The following SGMS1 variants were observed in gnomAD, a reference collection of about 807,000 sequenced individuals.
The protein encoded by SGMS1 is sphingomyelin synthase 1.
A neutral mutation model predicts 46.2 loss-of-function variants in SGMS1; 13 were observed. That is an observed-to-expected ratio of 0.28 (90% CI 0.18 to 0.45). The LOEUF is 0.45. SGMS1 is among the 20% of genes least tolerant of loss of function. The probability of loss-of-function intolerance (pLI) is 1.00; values close to 1 mark genes in which losing one functional copy is unlikely to be tolerated. For missense variants in SGMS1, 324 were observed against 519.9 expected, an observed-to-expected ratio of 0.62 and a Z score of 3.66; for synonymous variants, 203 against 187.8, an observed-to-expected ratio of 1.08 and a Z score of -0.66.
chr10:50,594,994 T>C (rs950433856), intron 1 of SGMS1, among the ~76,000 whole-genome samples: 1 of 152,134 alleles, frequency 6.6e-6, no homozygotes, highest in Non-Finnish European at 1.5e-5. Flanking sequence ...TGATAAGTGG[T>C]AGAACAAGGA....
chr10:50,403,414 G>T (rs1848968603), intron 6 of SGMS1, among the ~76,000 whole-genome samples: 1 of 152,124 alleles, frequency 6.6e-6, no homozygotes, highest in African/African-American at 2.4e-5. Context: ...GACTCTAGGG[G>T]TACATTTGTC....
chr10:50,488,896 C>T (rs1357027130), intron 3 of SGMS1, among the ~76,000 whole-genome samples: 1 of 152,162 alleles, frequency 6.6e-6, no homozygotes, highest in Non-Finnish European at 1.5e-5. Context: ...TTTCCTCAAG[C>T]TCCGTGGCTC....
chr10:50,407,919 T>C (rs528300848), intron 6 of SGMS1, among the ~76,000 whole-genome samples: 8 of 152,330 alleles, frequency 5.3e-5, no homozygotes, highest in African/African-American at 1.9e-4. Flanking sequence ...TGAATCATTT[T>C]CCCTAAATTT....
chr10:50,402,936 A>C (rs1036387459), intron 6 of SGMS1, among the ~76,000 whole-genome samples: 2 of 152,048 alleles, frequency 1.3e-5, no homozygotes, highest in African/African-American at 4.8e-5. Flanking sequence ...GTCCCTGTGT[A>C]CCTATAATTT....
At chr10:50,595,536 T>C (rs1006118481) in intron 1 of SGMS1, among the ~76,000 whole-genome samples, 1 of 152,188 alleles carries the variant, frequency 6.6e-6, no homozygotes, top group Admixed American at 6.5e-5. Flanking sequence ...TCCCATTTTA[T>C]AGGTGAAGAA....
chr10:50,513,727 C>T (rs935273537), intron 3 of SGMS1, among the ~76,000 whole-genome samples: 2 of 152,070 alleles, frequency 1.3e-5, no homozygotes, highest in African/African-American at 4.8e-5. Context: ...CAAAATTAAG[C>T]CATTTAGACC....
intron 4 of SGMS1, among the ~76,000 whole-genome samples, chr10:50,463,548 T>C (rs1402031807): frequency 1.3e-5 from 2 of 152,172 alleles, no homozygotes; most frequent in East Asian, 1.9e-4. Context: ...TGTGGAGAAG[T>C]TGATCGGAAT....
chr10:50,566,102 T>C (rs1247976659), intron 2 of SGMS1, among the ~76,000 whole-genome samples: 1 of 152,236 alleles, frequency 6.6e-6, no homozygotes, highest in African/African-American at 2.4e-5. Context: ...TAAGTTCTCA[T>C]TTGCAACCAA....
chr10:50,596,712 G>A (rs1838598182), intron 1 of SGMS1, among the ~76,000 whole-genome samples: 1 of 152,232 alleles, frequency 6.6e-6, no homozygotes, highest in African/African-American at 2.4e-5. Context: ...GAACACAGAA[G>A]CAGCTATTGC....
chr10:50,559,628 T>C (rs926028093), intron 2 of SGMS1, among the ~76,000 whole-genome samples: 1 of 152,230 alleles, frequency 6.6e-6, no homozygotes, highest in Non-Finnish European at 1.5e-5. Flanking sequence ...AGGGAGGTTT[T>C]AGAGGGTTTT....
Position 50,429,255 on chromosome 10 carries a change from A to G in SGMS1, c.-232+4221T>C, listed in dbSNP as rs148774618. On this transcript the variant is annotated intron_variant, in intron 6 of 10. Coordinates refer to ENST00000361781, the MANE Select transcript of SGMS1 (RefSeq NM_147156.4). ...ACACAAAAGGCAGTGGTTCCGTAAGATTATATTTTTCCTATACTTTTCTAT... is the reference window on the plus strand; with the variant it reads ...ACACAAAAGGCAGTGGTTCCGTAAGGTTATATTTTTCCTATACTTTTCTAT... Among the ~76,000 whole-genome samples the G allele has an allele frequency of 3.4e-4, 52 of 152,346 alleles. No homozygotes were observed. The East Asian group carries it at 3.7e-3, about 11-fold the overall frequency.
intron 6 of SGMS1, among the ~76,000 whole-genome samples, chr10:50,396,965 G>C (rs1457529749): frequency 6.6e-6 from 1 of 152,110 alleles, no homozygotes; most frequent in Non-Finnish European, 1.5e-5. Context: ...CACACTCTCA[G>C]GAGCTCAAGT....
At chr10:50,397,371 A>G (rs776000435) in intron 6 of SGMS1, among the ~76,000 whole-genome samples, 1 of 152,206 alleles carries the variant, frequency 6.6e-6, no homozygotes, top group Non-Finnish European at 1.5e-5. Flanking sequence ...TGAAGATGTT[A>G]AAGAGGACAG....
intron 5 of SGMS1, among the ~76,000 whole-genome samples, chr10:50,436,537 A>G (rs1391904219): frequency 2.0e-5 from 3 of 152,204 alleles, no homozygotes; most frequent in Non-Finnish European, 4.4e-5. Context: ...TGATGCACTT[A>G]AAAAGAACAA....
chr10:50,464,323 A>T (rs755774745), intron 4 of SGMS1, among the ~76,000 whole-genome samples: 1 of 152,206 alleles, frequency 6.6e-6, no homozygotes, highest in Non-Finnish European at 1.5e-5. Flanking sequence ...TGCTGACTTT[A>T]AAGATGGAAA....
chr10:50,487,308 G>A (rs1837529794), intron 3 of SGMS1, among the ~76,000 whole-genome samples: 2 of 152,128 alleles, frequency 1.3e-5, no homozygotes, highest in East Asian at 1.9e-4. Flanking sequence ...ACAGGGAGGG[G>A]AACAGCACAC....
intron 6 of SGMS1, among the ~76,000 whole-genome samples, chr10:50,397,842 A>G (rs1447390728): frequency 6.6e-6 from 1 of 152,220 alleles, no homozygotes; most frequent in Non-Finnish European, 1.5e-5. Context: ...CTGATTTTAA[A>G]TAAGTCACTA....
chr10:50,494,488 G>A (rs1837593649), intron 3 of SGMS1, among the ~76,000 whole-genome samples: 1 of 152,126 alleles, frequency 6.6e-6, no homozygotes, highest in African/African-American at 2.4e-5. Flanking sequence ...AACATGGATG[G>A]AGCTGGAGGC....
intron 7 of SGMS1, among the ~76,000 whole-genome samples, chr10:50,334,027 C>A (rs1847671668): frequency 6.6e-6 from 1 of 152,208 alleles, no homozygotes; most frequent in South Asian, 2.1e-4. Flanking sequence ...AAGTCAATGA[C>A]AGAGTCACAA....
Sources: allele counts gnomAD v4.1 joint callset (sites outside exome capture counted in the v4.1 genomes callset), GRCh38; gene constraint gnomAD v4.1.1; transcripts MANE v1.5; gene names NCBI Gene and HGNC (gene_info 2026-07-23, HGNC 2026-07-21).